ARB2A: variants seen among roughly 807,000 people sequenced by gnomAD.
The protein encoded by ARB2A is cotranscriptional regulator ARB2A.
At chr5:93,856,418 C>A in the ARB2A span, among the ~76,000 whole-genome samples, 2 of 152,300 alleles carry the variant, frequency 1.3e-5, no homozygotes, top group East Asian at 3.9e-4. Context: ...TTCAGGTACA[C>A]CAATCAGACG....
At chr5:94,002,630 G>A in the ARB2A span, among the ~76,000 whole-genome samples, 107,505 of 151,750 alleles carry the variant, frequency 0.71, 39,945 homozygotes, top group South Asian at 0.85. Context: ...AGTTTCTTCT[G>A]CTTTTTATTT....
the ARB2A span, among the ~76,000 whole-genome samples, chr5:94,016,206 T>C: frequency 6.6e-6 from 1 of 152,130 alleles, no homozygotes; most frequent in East Asian, 1.9e-4. Flanking sequence ...CACTATGTAA[T>C]GTAAAAGGGT....
At chr5:93,865,400 G>A in the ARB2A span, 1 of 985,274 alleles carries the variant, frequency 1.0e-6, no homozygotes, top group Non-Finnish European at 1.2e-6. Context: ...AATTTCATGT[G>A]AGTAGAAATT....
the ARB2A span, among the ~76,000 whole-genome samples, chr5:93,981,593 T>G: frequency 6.6e-6 from 1 of 151,988 alleles, no homozygotes; most frequent in Non-Finnish European, 1.5e-5. Flanking sequence ...CTCCCAATTC[T>G]TTCTGGAGAT....
chr5:93,644,169 G>A, the ARB2A span, among the ~76,000 whole-genome samples: 1 of 152,174 alleles, frequency 6.6e-6, no homozygotes, highest in African/African-American at 2.4e-5. Context: ...CGTTGAAGTA[G>A]CTGAGTCCAG....
At chr5:93,705,653 A>G in the ARB2A span, among the ~76,000 whole-genome samples, 22,896 of 103,450 alleles carry the variant, frequency 0.22, 1,798 homozygotes, top group Middle Eastern at 0.3. Flanking sequence ...GTGTGTGTGT[A>G]TATATATATA....
the ARB2A span, among the ~76,000 whole-genome samples, chr5:93,626,915 C>T: frequency 6.6e-6 from 1 of 152,334 alleles, no homozygotes; most frequent in African/African-American, 2.4e-5. Context: ...TGTTTGACAG[C>T]ATTTTACCCA....
At chr5:93,828,418 C>T in the ARB2A span, among the ~76,000 whole-genome samples, 2,105 of 152,250 alleles carry the variant, frequency 0.014, 55 homozygotes, top group African/African-American at 0.048. Flanking sequence ...TAGAAGAATG[C>T]TTGTGATTTT....
At chr5:93,934,639 C>G in the ARB2A span, among the ~76,000 whole-genome samples, 1 of 152,162 alleles carries the variant, frequency 6.6e-6, no homozygotes, top group Non-Finnish European at 1.5e-5. Context: ...AAGGTTTCTT[C>G]ACTCTTAAGA....
the ARB2A span, among the ~76,000 whole-genome samples, chr5:94,080,373 T>C: frequency 6.6e-6 from 1 of 152,170 alleles, no homozygotes; most frequent in East Asian, 1.9e-4. Flanking sequence ...GAAATAACAG[T>C]AATAACACAT....
the ARB2A span, among the ~76,000 whole-genome samples, chr5:93,848,057 T>A: frequency 2.0e-5 from 3 of 152,164 alleles, no homozygotes; most frequent in Admixed American, 1.3e-4. Flanking sequence ...TACAAAATCA[T>A]CGAAACTGAA....
At chr5:93,887,142 AAGGTCATGCATGGGCTGATAG>A in the ARB2A span, among the ~76,000 whole-genome samples, 1 of 151,674 alleles carries the variant, frequency 6.6e-6, no homozygotes, top group African/African-American at 2.4e-5. Context: ...GTAGAGTCAG[AAGGTCATGCATGGGCTGATAG>A]AGGTCAGGGT....
chr5:93,620,481 A>C, the ARB2A span: 1 of 152,316 alleles, frequency 6.6e-6, no homozygotes, highest in African/African-American at 2.4e-5. Context: ...CTTAAAAAAA[A>C]AAAAAAAGAG....
At chr5:93,792,824 C>A in the ARB2A span, among the ~76,000 whole-genome samples, 1 of 151,658 alleles carries the variant, frequency 6.6e-6, no homozygotes, top group Admixed American at 6.6e-5. Flanking sequence ...ACATTGTGCA[C>A]CTGTACCCTA....
chr5:93,843,967 A>G, the ARB2A span, among the ~76,000 whole-genome samples: 158 of 152,166 alleles, frequency 1.0e-3, no homozygotes, highest in African/African-American at 3.5e-3. Flanking sequence ...AATGAAATAT[A>G]TATGTATAGA....
At chr5:93,929,819 C>T in the ARB2A span, among the ~76,000 whole-genome samples, 3 of 152,170 alleles carry the variant, frequency 2.0e-5, no homozygotes, top group African/African-American at 7.2e-5. Context: ...GCAGTTATGT[C>T]ACTTGACATA....
the ARB2A span, among the ~76,000 whole-genome samples, chr5:94,068,528 G>C: frequency 1.3e-5 from 2 of 152,178 alleles, no homozygotes; most frequent in Non-Finnish European, 2.9e-5. Flanking sequence ...ACCCAAAGGG[G>C]GTTGCCACTG....
the ARB2A span, among the ~76,000 whole-genome samples, chr5:93,703,063 C>CT: frequency 6.6e-6 from 1 of 152,156 alleles, no homozygotes; most frequent in East Asian, 1.9e-4. Flanking sequence ...TATAGTCCTT[C>CT]TGGAAAAGCA....
the ARB2A span, among the ~76,000 whole-genome samples, chr5:94,110,692 T>G: frequency 6.6e-6 from 1 of 152,234 alleles, no homozygotes; most frequent in African/African-American, 2.4e-5. Flanking sequence ...TGTTATGCAG[T>G]ATATGGCATG....
Sources: allele counts gnomAD v4.1 joint callset (sites outside exome capture counted in the v4.1 genomes callset), GRCh38; gene constraint gnomAD v4.1.1; transcripts MANE v1.5; gene names NCBI Gene and HGNC (gene_info 2026-07-23, HGNC 2026-07-21).